The following ACTR3B variants were observed in gnomAD, a reference collection of about 807,000 sequenced individuals.
The protein encoded by ACTR3B is actin related protein 3B, also known as actin-related protein 3B.
ACTR3B carries 8 observed loss-of-function variants against 59.0 expected under a neutral mutation model. That is an observed-to-expected ratio of 0.14 (90% CI 0.08 to 0.24). The LOEUF (loss-of-function observed/expected upper bound fraction) is 0.24, where lower values mean the gene tolerates loss of function less well. Among genes scored for constraint, ACTR3B ranks in the 10% least tolerant of loss-of-function variants. The pLI, the probability that ACTR3B is intolerant of heterozygous loss-of-function variation, is 1.00. For synonymous variants in ACTR3B, 148 were observed against 197.9 expected (o/e 0.75, Z 2.12); for missense variants, 245 against 552.3 (o/e 0.44, Z 5.58).
chr7:152,853,892 T>G (rs1799049355), intron 11 of ACTR3B, among the ~76,000 whole-genome samples: 1 of 151,994 alleles, frequency 6.6e-6, no homozygotes, highest in Non-Finnish European at 1.5e-5. Context: ...CATTTTTTTT[T>G]GTTGTATTTT....
intron 9 of ACTR3B, among the ~76,000 whole-genome samples, chr7:152,832,183 AG>A: frequency 6.6e-6 from 1 of 152,252 alleles, no homozygotes; most frequent in Non-Finnish European, 1.5e-5. Flanking sequence ...GAAAAGGTTC[AG>A]GGTTCTTGCT....
intron 1 of ACTR3B, 68 bp downstream of exon 1, chr7:152,759,994 G>A: frequency 8.0e-7 from 1 of 1,255,466 alleles, no homozygotes; most frequent in Non-Finnish European, 1.0e-6. Flanking sequence ...CGTCCACCTC[G>A]CCTGGAGGTC....
At chr7:152,763,397 A>G (rs1013451358) in intron 1 of ACTR3B, among the ~76,000 whole-genome samples, 5 of 148,650 alleles carry the variant, frequency 3.4e-5, no homozygotes, top group African/African-American at 1.2e-4. Flanking sequence ...ACTTTCATCC[A>G]TTAGTTTAAG....
intron 9 of ACTR3B, among the ~76,000 whole-genome samples, chr7:152,844,892 A>G (rs2530960): frequency 0.29 from 36,142 of 125,530 alleles, 5,652 homozygotes; most frequent in African/African-American, 0.37. Context: ...TTCTACCACA[A>G]CAAAGTCAAC....
At chr7:152,807,096 T>C (rs2098254555) in intron 4 of ACTR3B, among the ~76,000 whole-genome samples, 1 of 152,070 alleles carries the variant, frequency 6.6e-6, no homozygotes. Flanking sequence ...GTGGATAAAA[T>C]ACATTAGGAA....
At chr7:152,808,443 A>G (rs1282389580) in intron 4 of ACTR3B, among the ~76,000 whole-genome samples, 1 of 151,460 alleles carries the variant, frequency 6.6e-6, no homozygotes, top group Non-Finnish European at 1.5e-5. Context: ...CTTAATCTTC[A>G]TCCATCTGGG....
intron 9 of ACTR3B, among the ~76,000 whole-genome samples, chr7:152,842,624 C>T (rs571061156): frequency 2.0e-4 from 30 of 152,278 alleles, no homozygotes; most frequent in African/African-American, 7.2e-4. Context: ...GTCATTTGAC[C>T]CTTCTTTCTG....
intron 9 of ACTR3B, among the ~76,000 whole-genome samples, chr7:152,845,812 A>C (rs1798226680): frequency 6.6e-6 from 1 of 152,234 alleles, no homozygotes; most frequent in African/African-American, 2.4e-5. Flanking sequence ...AGCTCAGCAT[A>C]GTCGTAGCTT....
chr7:152,823,233 G>T (rs1278768380), intron 7 of ACTR3B, 109 bp from the exon 8 acceptor site: 6 of 1,473,364 alleles, frequency 4.1e-6, no homozygotes, highest in Non-Finnish European at 4.6e-6. Context: ...CGGTGGGGGC[G>T]GTTCTGATCC....
At chr7:152,760,213 C>CG (rs2098085001) in intron 1 of ACTR3B, among the ~76,000 whole-genome samples, 1 of 152,182 alleles carries the variant, frequency 6.6e-6, no homozygotes, top group African/African-American at 2.4e-5. Context: ...CCCACGTGGC[C>CG]GGGCCCCTGG....
chr7:152,832,304 G>C (rs2462089), intron 9 of ACTR3B, among the ~76,000 whole-genome samples: 1 of 152,172 alleles, frequency 6.6e-6, no homozygotes, highest in Non-Finnish European at 1.5e-5. Context: ...TTGAGTTGCA[G>C]TTGTAGGTTG....
chr7:152,842,484 A>C (rs918814405), intron 9 of ACTR3B, among the ~76,000 whole-genome samples: 1 of 152,198 alleles, frequency 6.6e-6, no homozygotes, highest in African/African-American at 2.4e-5. Context: ...ATCTTTTCAG[A>C]CTGTGGCTGA....
At position 152,824,719 on chromosome 7, in the gene ACTR3B, C is replaced by T. The variant is rs1169261828; in HGVS notation, c.859-311C>T. Reference sequence around the variant, plus strand: ...CTCACTGCGTGTCACATAGATCGTGCACATACTCTCCACTGCTCTTAGTAG... The same window carrying T: ...CTCACTGCGTGTCACATAGATCGTGTACATACTCTCCACTGCTCTTAGTAG... On this transcript the variant is annotated intron_variant, in intron 8 of 11. Coordinates refer to ENST00000256001, the MANE Select transcript of ACTR3B (RefSeq NM_020445.6). The surrounding 1 kb of genome is among the most constrained non-coding windows in gnomAD (Gnocchi z 4.2). Among the ~76,000 whole-genome samples, 1 of 152,024 alleles carries T rather than the reference C, an allele frequency of 6.6e-6. No individual in the cohort carries two copies. The highest frequency in any genetic ancestry group is 2.4e-5 in the African/African-American group (1 of 41,310).
At chr7:152,815,554 C>T (rs1034817642) in intron 5 of ACTR3B, among the ~76,000 whole-genome samples, 1 of 152,178 alleles carries the variant, frequency 6.6e-6, no homozygotes, top group Non-Finnish European at 1.5e-5. Context: ...GTTTTCCACC[C>T]TCAGTGCTTT....
intron 1 of ACTR3B, among the ~76,000 whole-genome samples, chr7:152,778,273 AT>A (rs1470691507): frequency 2.7e-5 from 2 of 75,078 alleles, no homozygotes; most frequent in Non-Finnish European, 5.8e-5. Flanking sequence ...TTTATTTTTT[AT>A]TTTTTTTGAG....
At chr7:152,769,006 C>G (rs1322165881) in intron 1 of ACTR3B, among the ~76,000 whole-genome samples, 1 of 151,224 alleles carries the variant, frequency 6.6e-6, no homozygotes, top group Non-Finnish European at 1.5e-5. Flanking sequence ...GCACCCGCCA[C>G]CATGCCTGGC....
At chr7:152,760,319 G>C (rs1179364427) in intron 1 of ACTR3B, among the ~76,000 whole-genome samples, 3 of 152,198 alleles carry the variant, frequency 2.0e-5, no homozygotes, top group Non-Finnish European at 4.4e-5. Context: ...CCAGCGTGAG[G>C]CACAGATCAT....
rs981303035 is a variant in ACTR3B at position 152,854,255 on chromosome 7, A to G, written c.1162-203A>G. On this transcript the variant is annotated intron_variant, in intron 11 of 11. Coordinates refer to ENST00000256001, the MANE Select transcript of ACTR3B (RefSeq NM_020445.6). This position sits in a 1 kb window ranked among gnomAD's most constrained non-coding sequence, Gnocchi z 4.9. ...CCGGCATTTGGTTGGTCCTAAGAAG[A>G]TACAGGCTGATGAAATTTCTAAAAA... Among the ~76,000 whole-genome samples, 7 of 152,192 alleles carry G rather than the reference A, an allele frequency of 4.6e-5. No homozygotes were observed. The highest frequency in any genetic ancestry group is 6.5e-5 in the Admixed American group (1 of 15,274).
At chr7:152,836,159 T>C (rs1321954187) in intron 9 of ACTR3B, among the ~76,000 whole-genome samples, 2 of 151,802 alleles carry the variant, frequency 1.3e-5, no homozygotes, top group African/African-American at 4.8e-5. Flanking sequence ...GAGGGGCCTT[T>C]GTCTGCTGTC....
Sources: gnomAD v4.1 joint callset for allele counts (sites outside exome capture counted in the v4.1 genomes callset) on GRCh38, gnomAD v4.1.1 for gene constraint, Gnocchi (gnomAD v3.1) non-coding constraint, MANE v1.5 for transcripts, NCBI Gene and HGNC (gene_info 2026-07-23, HGNC 2026-07-21) for gene names.